The following PKHD1L1 variants were observed in gnomAD, a reference collection of about 807,000 sequenced individuals.
PKHD1L1 encodes fibrocystin-L.
In PKHD1L1, 434 loss-of-function variants were observed where a neutral mutation model predicts 462.9. The observed-to-expected ratio is 0.94, with a 90% CI of 0.87 to 1.02. PKHD1L1 has a LOEUF of 1.02. Ranked by LOEUF, PKHD1L1 falls within the 50% of genes least tolerant of loss-of-function variation. The pLI is 0.00. For synonymous variants in PKHD1L1, 1,781 were observed against 1,750.0 expected (o/e 1.02, Z -0.44); for missense variants, 5,202 against 5,096.1 (o/e 1.02, Z -0.63).
chr8:109,410,106 CTT>C (rs1255061106), intron 19 of PKHD1L1, 128 bp downstream of exon 19: 5 of 541,772 alleles, frequency 9.2e-6, no homozygotes, highest in Non-Finnish European at 1.6e-5. Flanking sequence ...GCAAAAATGA[CTT>C]TGTTATACAT....
At chr8:109,383,029 A>G (rs1043085861) in intron 4 of PKHD1L1, among the ~76,000 whole-genome samples, 62 of 138,994 alleles carry the variant, frequency 4.5e-4, no homozygotes, top group Non-Finnish European at 8.7e-4. Flanking sequence ...ATTATCCCAT[A>G]TATATATAAT....
rs760469090 is a variant in PKHD1L1, at chr8:109,504,528, A to G, written c.10994+36A>G. ...TAAAAATTGTGGTTTTTCTATCTTT[A>G]TAGTTTTTCATTCTCACTTCCTCCT... On this transcript the variant is annotated intron_variant, in intron 68 of 77. Coordinates refer to ENST00000378402, the MANE Select transcript of PKHD1L1 (RefSeq NM_177531.6). The G allele has an allele frequency of 5.5e-6, 7 of 1,268,746 alleles. No homozygotes were observed. In the South Asian group the frequency reaches 1.2e-4, roughly 21 times the overall value. 78.6% of individuals were successfully genotyped at this position (1,268,746 alleles called of 1,614,324 possible).
Position 109,427,028 on chromosome 8 carries a change from G to T in PKHD1L1, c.2872G>T (p.Asp958Tyr), listed in dbSNP as rs542055349. 2 of 1,599,410 alleles carry T rather than the reference G, an allele frequency of 1.3e-6. No homozygotes were observed. The highest frequency in any genetic ancestry group is 1.3e-5 in the African/African-American group (1 of 74,752). The change falls in exon 25 of 78, where the codon GAT becomes TAT. Residue 958 changes from aspartate (D) to tyrosine (Y), a missense_variant. Coordinates refer to ENST00000378402, the MANE Select transcript of PKHD1L1 (RefSeq NM_177531.6). ...KGLPAAVSAA[D>Y]LQFALQSLEG... ...CCTCCCCGCTGCTGTGTCAGCTGCA[G>T]ATCTGCAGTTTGCACTCCAGAGTCT...
chr8:109,415,864 G>GTGT (rs1554637087), intron 21 of PKHD1L1, among the ~76,000 whole-genome samples: 2,497 of 100,394 alleles, frequency 0.025, 47 homozygotes, highest in South Asian at 0.039. Context: ...AAAAAAAAGG[G>GTGT]GTGTGTGTGT....
intron 55 of PKHD1L1, chr8:109,480,614 C>G: frequency 2.2e-6 from 1 of 455,414 alleles, no homozygotes; most frequent in Non-Finnish European, 4.4e-6. Context: ...TCCTTGTAAA[C>G]CCCAGATGGT....
chr8:109,520,753 A>G (rs1254491505), intron 73 of PKHD1L1, among the ~76,000 whole-genome samples: 1 of 144,788 alleles, frequency 6.9e-6, no homozygotes, highest in Admixed American at 7.1e-5. Flanking sequence ...GGGGTTACCT[A>G]TGTATTAAAG....
In PKHD1L1 at chr8:109,436,403, G is replaced by T; in HGVS notation, c.3571G>T (p.Glu1191Ter). ...NENSKVLVGNETCNVIEGDLN... is the reference protein window; with the variant it reads ...NENSKVLVGN ...AAATTCAAAGGTATTAGTTGGAAAT[G>T]AAACCTGCAATGTGATTGAAGGGGA... The change falls in exon 30 of 78, where the codon GAA (glutamate) becomes TAA (stop). Residue 1191 changes from glutamate to a stop codon, truncating the protein, a stop_gained. Coordinates refer to ENST00000378402, the MANE Select transcript of PKHD1L1 (RefSeq NM_177531.6). LOFTEE classifies it high-confidence loss of function. 6.2e-7 allele frequency: 1 copy of T among 1,613,508 alleles called. No homozygotes were observed. The highest frequency in any genetic ancestry group is 8.5e-7 in the Non-Finnish European group (1 of 1,179,724).
In PKHD1L1 at chr8:109,475,262, G is replaced by T. The variant is rs769551417; in HGVS notation, c.8750G>T (p.Gly2917Val). The T allele has an allele frequency of 2.5e-6, 4 of 1,601,610 alleles. No homozygotes were observed. The South Asian group carries it at 4.4e-5, about 18-fold the overall frequency. ...ATTTCATATACATCGACATTCTATGGATTCAAGGTAAAAATATTTATCTTC... is the reference window on the plus strand; with the variant it reads ...ATTTCATATACATCGACATTCTATGTATTCAAGGTAAAAATATTTATCTTC... Reference protein sequence around the residue: ...TNISYTSTFYGFKEEDYVIIS... With the variant: ...TNISYTSTFYVFKEEDYVIIS... Residue 2917 changes from glycine (G) to valine (V), a missense_variant, in exon 51 of 78, where the codon GGA becomes GTA. This residue lies in a region of PKHD1L1 where 4,497 missense variants were observed against 4,336.8 expected (regional missense o/e 1.04). Coordinates refer to ENST00000378402, the MANE Select transcript of PKHD1L1 (RefSeq NM_177531.6).
intron 5 of PKHD1L1, among the ~76,000 whole-genome samples, chr8:109,384,350 G>A (rs1812322178): frequency 6.6e-6 from 1 of 151,860 alleles, no homozygotes; most frequent in Non-Finnish European, 1.5e-5. Flanking sequence ...ACCAGCCTGG[G>A]CAACATCATG....
chr8:109,520,779 C>CAG (rs36109824), intron 73 of PKHD1L1, among the ~76,000 whole-genome samples: 65,453 of 151,820 alleles, frequency 0.43, 14,510 homozygotes, highest in South Asian at 0.57. Flanking sequence ...TATGAGCAGA[C>CAG]AGTCCTACAG....
At chr8:109,453,163 G>T (rs79938170) in intron 43 of PKHD1L1, among the ~76,000 whole-genome samples, 4,632 of 152,128 alleles carry the variant, frequency 0.03, 220 homozygotes, top group African/African-American at 0.11. Context: ...TGAAACTTTT[G>T]GTTCAATAAC....
rs1316920407 is a variant in PKHD1L1 at position 109,409,857 on chromosome 8, T to A, written c.1972-8T>A. 3.3e-6 allele frequency: 5 copies of A among 1,526,090 alleles called. No individual in the cohort carries two copies. Among genetic ancestry groups the A allele is most frequent in the Non-Finnish European group, 4.5e-6 (5 of 1,119,516 alleles). The allele number at this position is 1,526,090 out of a possible 1,614,324, so 94.5% of individuals were successfully genotyped here. ...AAGAAGTTACTAATGTTTATATTGT[T>A]AATTTAGTTTCAGGGAGCAGTGGAA... On this transcript the variant is annotated splice_polypyrimidine_tract_variant and splice_region_variant and intron_variant, in intron 18 of 77. Coordinates refer to ENST00000378402, the MANE Select transcript of PKHD1L1 (RefSeq NM_177531.6).
rs373805692 is a variant in PKHD1L1, at chr8:109,433,117, G to A, written c.3241G>A (p.Glu1081Lys). Residue 1081 changes from glutamate to lysine, a missense_variant, in exon 28 of 78, where the codon GAA becomes AAA. Around this residue, in one of 3 missense-constraint regions of PKHD1L1, gnomAD observed 4,497 missense variants for 4,336.8 expected, o/e 1.04. Coordinates refer to ENST00000378402, the MANE Select transcript of PKHD1L1 (RefSeq NM_177531.6). The stretch of plus-strand genomic sequence containing the variant: ...TTGATCATTTTTAGGGTCCTATGAA[G>A]AAGGCACAATTCTAACCATAGTGGG... The part of the protein sequence containing the change: ...AISPSQGSYE[E>K]GTILTIVGSG... 6.2e-7 allele frequency: 1 copy of A among 1,610,670 alleles called. No individual in the cohort carries two copies. Among genetic ancestry groups the A allele is most frequent in the African/African-American group, 1.3e-5 (1 of 74,872 alleles).
chr8:109,487,534 C>G (rs1160670567), intron 59 of PKHD1L1, among the ~76,000 whole-genome samples: 2 of 142,686 alleles, frequency 1.4e-5, no homozygotes, highest in Admixed American at 7.5e-5. Flanking sequence ...GATTATGAAT[C>G]TTAAATCTCT....
At position 109,534,753 on chromosome 8, in the gene PKHD1L1, G is replaced by C. The variant is rs1821112565; in HGVS notation, c.*4663G>C. Among the ~76,000 whole-genome samples, 1 of 152,192 alleles carries C rather than the reference G, an allele frequency of 6.6e-6. No individual in the cohort carries two copies. Among genetic ancestry groups the C allele is most frequent in the South Asian group, 2.1e-4 (1 of 4,828 alleles). On this transcript the variant is annotated 3_prime_UTR_variant, in exon 78 of 78. Transcript: ENST00000378402. The stretch of plus-strand genomic sequence containing the variant: ...ACAGTAGGTACTTGAATACTTGTGG[G>C]CAGTCTAACCAGCTACAAACCTCTT...
At chr8:109,475,440 A>C (rs996305685) in intron 51 of PKHD1L1, among the ~76,000 whole-genome samples, 171 bp downstream of exon 51, 1 of 152,148 alleles carries the variant, frequency 6.6e-6, no homozygotes, top group African/African-American at 2.4e-5. Context: ...AGTAAGCCAA[A>C]AAAATCTCAT....
intron 43 of PKHD1L1, 42 bp from the exon 44 acceptor site, chr8:109,454,125 G>GGTAA: frequency 7.6e-7 from 1 of 1,319,642 alleles, no homozygotes; most frequent in African/African-American, 1.5e-5. Context: ...CTTTTAACAA[G>GGTAA]ATTTTTCCTT....
At chr8:109,404,880 AC>A in intron 15 of PKHD1L1, 114 bp from the exon 16 acceptor site, 1 of 1,093,270 alleles carries the variant, frequency 9.1e-7, no homozygotes, top group Non-Finnish European at 1.3e-6. Context: ...AAAGGCTGTT[AC>A]TTGTCATTTG....
intron 24 of PKHD1L1, among the ~76,000 whole-genome samples, chr8:109,426,635 GT>G (rs1213308059): frequency 6.6e-6 from 1 of 151,996 alleles, no homozygotes; most frequent in Non-Finnish European, 1.5e-5. Flanking sequence ...GATGAAATTG[GT>G]TTGTGAATAT....
Sources: gnomAD v4.1 joint callset for allele counts (sites outside exome capture counted in the v4.1 genomes callset) on GRCh38, gnomAD v4.1.1 for gene constraint, gnomAD v4.1.1 regional missense constraint, MANE v1.5 for transcripts, NCBI Gene and HGNC (gene_info 2026-07-23, HGNC 2026-07-21) for gene names.